MOB3B: variants seen among roughly 807,000 people sequenced by gnomAD.
MOB3B encodes MOB kinase activator-like 2B.
A neutral mutation model predicts 18.7 loss-of-function variants in MOB3B; 7 were observed. The observed-to-expected ratio is 0.37, with a 90% CI of 0.21 to 0.70. The LOEUF is 0.70. Ranked by LOEUF, MOB3B falls within the 30% of genes least tolerant of loss-of-function variation. MOB3B has a pLI of 0.52. For missense variants in MOB3B, 253 were observed against 281.3 expected, an observed-to-expected ratio of 0.90 and a Z score of 0.72; for synonymous variants, 111 against 99.9, an observed-to-expected ratio of 1.11 and a Z score of -0.66.
At chr9:27,459,876 CAAAAAA>C (rs35792761) in intron 1 of MOB3B, among the ~76,000 whole-genome samples, 1 of 86,742 alleles carries the variant, frequency 1.2e-5, no homozygotes. Flanking sequence ...TTTCAGTCTC[CAAAAAA>C]AAAAAAAAAA....
At chr9:27,407,129 G>A (rs145894322) in intron 2 of MOB3B, among the ~76,000 whole-genome samples, 178 of 152,224 alleles carry the variant, frequency 1.2e-3, no homozygotes, top group Middle Eastern at 6.8e-3. Context: ...GAACTACCAC[G>A]CCCGGCCCAA....
At chr9:27,502,301 ATAATACT>A (rs1820003896) in intron 1 of MOB3B, among the ~76,000 whole-genome samples, 1 of 152,216 alleles carries the variant, frequency 6.6e-6, no homozygotes, top group South Asian at 2.1e-4. Flanking sequence ...ATCAAACCAA[ATAATACT>A]TAATACTAAT....
chr9:27,330,484 C>T lies in MOB3B; in HGVS notation c.*103G>A. 1 of 1,500,084 alleles carries T rather than the reference C, an allele frequency of 6.7e-7. No homozygotes were observed. Among genetic ancestry groups the T allele is most frequent in the Admixed American group, 1.9e-5 (1 of 52,262 alleles). 92.9% of individuals were successfully genotyped at this position (1,500,084 alleles called of 1,614,324 possible). ...CTGCTTGCCTCCACCTCTGCTGTTC[C>T]TGGGAGTAGGTGTGTCATTTCAGCC... On this transcript the variant is annotated 3_prime_UTR_variant, in exon 4 of 4. Transcript: ENST00000262244.
intron 2 of MOB3B, among the ~76,000 whole-genome samples, chr9:27,368,056 A>G (rs1033069089): frequency 6.6e-6 from 1 of 152,162 alleles, no homozygotes; most frequent in African/African-American, 2.4e-5. Context: ...CTCATTCTCA[A>G]TAGTTCATGA....
In MOB3B at chr9:27,329,468, C is replaced by T. The variant is rs1414041767; in HGVS notation, c.*1119G>A. 6.6e-6 allele frequency: 1 copy of T among 152,124 alleles called. No homozygotes were observed. The highest frequency in any genetic ancestry group is 1.5e-5 in the Non-Finnish European group (1 of 68,034). 9.4% of individuals were successfully genotyped at this position (152,124 alleles called of 1,614,324 possible). ...GGCAACCGTGGCCCAATCACAGGGG[C>T]AGAAATTAATTTTGTGCCGTAACAT... On this transcript the variant is annotated 3_prime_UTR_variant, in exon 4 of 4. Coordinates refer to ENST00000262244, the MANE Select transcript of MOB3B (RefSeq NM_024761.5).
At chr9:27,449,931 T>C (rs1822756954) in intron 2 of MOB3B, among the ~76,000 whole-genome samples, 1 of 148,978 alleles carries the variant, frequency 6.7e-6, no homozygotes, top group Non-Finnish European at 1.5e-5. Flanking sequence ...TGAGCCGAGA[T>C]CATGCCATTG....
At chr9:27,435,271 T>C (rs1268525315) in intron 2 of MOB3B, among the ~76,000 whole-genome samples, 2 of 152,164 alleles carry the variant, frequency 1.3e-5, no homozygotes, top group Admixed American at 6.5e-5. Flanking sequence ...TAAACTATTT[T>C]TCTTTGAGCT....
At chr9:27,393,378 T>G (rs1821755300) in intron 2 of MOB3B, among the ~76,000 whole-genome samples, 1 of 151,676 alleles carries the variant, frequency 6.6e-6, no homozygotes, top group Admixed American at 6.6e-5. Context: ...GAGAAGTGTG[T>G]GTGTGTGTGT....
chr9:27,346,364 C>A (rs1017119008), intron 3 of MOB3B, among the ~76,000 whole-genome samples: 2 of 152,178 alleles, frequency 1.3e-5, no homozygotes, highest in African/African-American at 4.8e-5. Flanking sequence ...TGGAATCAGA[C>A]CGTATGTGCT....
At chr9:27,433,005 G>T (rs1822438837) in intron 2 of MOB3B, among the ~76,000 whole-genome samples, 1 of 151,776 alleles carries the variant, frequency 6.6e-6, no homozygotes, top group South Asian at 2.1e-4. Flanking sequence ...TTTCTCTTGA[G>T]AATATTATCT....
intron 2 of MOB3B, among the ~76,000 whole-genome samples, chr9:27,430,810 C>G (rs371961329): frequency 2.0e-5 from 3 of 151,782 alleles, no homozygotes; most frequent in Admixed American, 2.0e-4. Flanking sequence ...TGAAAGTAGG[C>G]GCAACAACTC....
chr9:27,398,944 T>A (rs1220978975), intron 2 of MOB3B, among the ~76,000 whole-genome samples: 2 of 151,432 alleles, frequency 1.3e-5, no homozygotes, highest in Admixed American at 6.6e-5. Flanking sequence ...GGTGGCTACT[T>A]TTTTTTTAAT....
At chr9:27,339,520 T>C (rs1477395146) in intron 3 of MOB3B, among the ~76,000 whole-genome samples, 2 of 152,246 alleles carry the variant, frequency 1.3e-5, no homozygotes, top group Non-Finnish European at 2.9e-5. Context: ...GTTTCTATCA[T>C]TTCCTGCACC....
At chr9:27,337,383 C>T (rs1820879643) in intron 3 of MOB3B, among the ~76,000 whole-genome samples, 1 of 152,252 alleles carries the variant, frequency 6.6e-6, no homozygotes, top group African/African-American at 2.4e-5. Flanking sequence ...TTCCCTCTCT[C>T]ATGGCTTTCC....
rs142062885 is a variant in MOB3B, at chr9:27,507,385, A to C, written c.-199+22170T>G. 6.3e-3 allele frequency among the ~76,000 whole-genome samples: 958 copies of C among 152,310 alleles called. 4 individuals carry two copies. The highest frequency in any genetic ancestry group is 0.013 in the South Asian group (61 of 4,834). On this transcript the variant is annotated intron_variant, in intron 1 of 3. Transcript: ENST00000262244. ...GTCTTGTTATTGTCATATTGTGCAC[A>C]GTAGCTACTTTCTCCTCACTGGACA...
Position 27,455,858 on chromosome 9 carries a change from C to T in MOB3B, c.-198-110G>A, listed in dbSNP as rs1361697026. ...GTTCTTGGCTGTGCCCACTCTCCAT[C>T]CAGGTATATGGGCATGGGGGTTAAG... On this transcript the variant is annotated intron_variant, in intron 1 of 3. Coordinates refer to ENST00000262244, the MANE Select transcript of MOB3B (RefSeq NM_024761.5). The T allele has an allele frequency of 2.7e-6, 3 of 1,131,534 alleles. No homozygotes were observed. The Admixed American group carries it at 1.1e-4, about 42-fold the overall frequency. The allele number at this position is 1,131,534 out of a possible 1,614,324, so 70.1% of individuals were successfully genotyped here.
chr9:27,467,334 C>A (rs1819400495), intron 1 of MOB3B, among the ~76,000 whole-genome samples: 1 of 152,192 alleles, frequency 6.6e-6, no homozygotes, highest in Admixed American at 6.5e-5. Flanking sequence ...ATACCAATAT[C>A]ACAGTGGGTT....
chr9:27,528,085 C>T (rs541180078), intron 1 of MOB3B, among the ~76,000 whole-genome samples: 62 of 152,318 alleles, frequency 4.1e-4, no homozygotes, highest in Admixed American at 9.8e-4. Context: ...GGGATTTAAA[C>T]TTGGAGCGGT....
chr9:27,345,731 C>G (rs1821023340), intron 3 of MOB3B, among the ~76,000 whole-genome samples: 1 of 152,220 alleles, frequency 6.6e-6, no homozygotes, highest in South Asian at 2.1e-4. Flanking sequence ...CTCCTTACTC[C>G]TGTTTCACCT....
Sources: allele counts gnomAD v4.1 joint callset (sites outside exome capture counted in the v4.1 genomes callset), GRCh38; gene constraint gnomAD v4.1.1; transcripts MANE v1.5; gene names NCBI Gene and HGNC (gene_info 2026-07-23, HGNC 2026-07-21).